Variants in CACNG3 observed in about 807,000 individuals in gnomAD.
The protein encoded by CACNG3 is voltage-dependent calcium channel gamma-3 subunit.
In CACNG3, 3 loss-of-function variants were observed where a neutral mutation model predicts 28.5. The observed-to-expected ratio is 0.11, with a 90% CI of 0.05 to 0.27. CACNG3 has a LOEUF of 0.27. CACNG3 is among the 10% of genes least tolerant of loss of function. The pLI is 1.00. For synonymous variants in CACNG3, 174 were observed against 162.2 expected (o/e 1.07, Z -0.55); for missense variants, 236 against 414.4 (o/e 0.57, Z 3.74).
chr16:24,285,842 TTTC>T (rs1237710169), intron 1 of CACNG3, among the ~76,000 whole-genome samples: 41 of 120,958 alleles, frequency 3.4e-4, no homozygotes, highest in African/African-American at 1.3e-3. Context: ...TTTTCTTTCT[TTTC>T]TTTTTTTTTT....
intron 1 of CACNG3, among the ~76,000 whole-genome samples, chr16:24,289,300 A>C (rs531295065): frequency 6.6e-6 from 1 of 151,612 alleles, no homozygotes; most frequent in African/African-American, 2.4e-5. Context: ...AAGAATCTGC[A>C]AAAGAAAAAA....
At chr16:24,325,367 G>T (rs1312215600) in intron 1 of CACNG3, among the ~76,000 whole-genome samples, 3 of 152,144 alleles carry the variant, frequency 2.0e-5, no homozygotes. Context: ...TTAGGGGGAC[G>T]TCAGTTAACA....
chr16:24,259,637 C>T (rs1054627212), intron 1 of CACNG3, among the ~76,000 whole-genome samples: 7 of 152,062 alleles, frequency 4.6e-5, no homozygotes, highest in African/African-American at 1.7e-4. Context: ...CCAAGGAGAA[C>T]ATGACAGCTG....
chr16:24,361,601 A>G lies in CACNG3; in HGVS notation c.686A>G (p.Tyr229Cys). The G allele has an allele frequency of 6.2e-7, 1 of 1,613,710 alleles. No individual in the cohort carries two copies. Among genetic ancestry groups the G allele is most frequent in the Non-Finnish European group, 8.5e-7 (1 of 1,179,844 alleles). ...STFARLPPYR[Y>C]RFRRRSSSRS... ...TTTGCCCGCCTCCCACCCTACAGGT[A>G]TCGATTCCGGAGGCGGTCAAGTTCT... Residue 229 changes from tyrosine to cysteine, a missense_variant, in exon 4 of 4, where the codon TAT (tyrosine) becomes TGT (cysteine). Transcript: ENST00000005284. This position sits in a 1 kb window ranked among gnomAD's most constrained non-coding sequence, Gnocchi z 6.8.
Position 24,314,733 on chromosome 16 carries a change from GCCTCCT to G in CACNG3, c.212-31968_212-31963del, listed in dbSNP as rs140787661. On this transcript the variant is annotated intron_variant, in intron 1 of 3. Coordinates refer to ENST00000005284, the MANE Select transcript of CACNG3 (RefSeq NM_006539.4). The stretch of plus-strand genomic sequence containing the variant: ...CCTGGCAAATTCTCCTAGGACTCTC[GCCTCCT>G]CCTCCTCCTCCTCCTCCTCCTCCTC... Among the ~76,000 whole-genome samples the G allele has an allele frequency of 1.6e-3, 185 of 119,108 alleles. 2 individuals are homozygous for G. The highest frequency in any genetic ancestry group is 5.0e-3 in the Middle Eastern group (1 of 200). 78.1% of individuals were successfully genotyped at this position (119,108 alleles called of 152,430 possible).
intron 3 of CACNG3, among the ~76,000 whole-genome samples, chr16:24,355,624 T>C (rs552156979): frequency 1.3e-5 from 2 of 152,298 alleles, no homozygotes; most frequent in South Asian, 4.1e-4. Context: ...CAGCTGCATT[T>C]TTGTGTTCAC....
intron 1 of CACNG3, among the ~76,000 whole-genome samples, chr16:24,286,934 G>T (rs1027464779): frequency 6.6e-6 from 1 of 152,210 alleles, no homozygotes; most frequent in Non-Finnish European, 1.5e-5. Flanking sequence ...TGTGAAGGAG[G>T]AAGGCTCCTG....
intron 1 of CACNG3, among the ~76,000 whole-genome samples, chr16:24,267,275 TTTC>T (rs1204865060): frequency 6.6e-6 from 1 of 152,078 alleles, no homozygotes; most frequent in Admixed American, 6.5e-5. Context: ...CTATTTTTAA[TTTC>T]TTAATTTTTA....
chr16:24,299,952 A>G (rs1899083939), intron 1 of CACNG3, among the ~76,000 whole-genome samples: 1 of 152,066 alleles, frequency 6.6e-6, no homozygotes, highest in African/African-American at 2.4e-5. Context: ...ACACACACAC[A>G]CACACACATA....
chr16:24,296,484 A>T (rs534157334), intron 1 of CACNG3, among the ~76,000 whole-genome samples: 40 of 152,302 alleles, frequency 2.6e-4, no homozygotes, highest in African/African-American at 9.6e-4. Context: ...CTGTGGCGAT[A>T]CTACCGTTAT....
At chr16:24,315,817 C>T (rs1306551886) in intron 1 of CACNG3, among the ~76,000 whole-genome samples, 1 of 152,068 alleles carries the variant, frequency 6.6e-6, no homozygotes, top group African/African-American at 2.4e-5. Flanking sequence ...CACTACAATG[C>T]CCAGCTAATT....
chr16:24,257,053 A>G, intron 1 of CACNG3, 88 bp downstream of exon 1: 2 of 834,298 alleles, frequency 2.4e-6, no homozygotes, highest in South Asian at 1.6e-5. Flanking sequence ...GGTGATAAGG[A>G]AAGAAGAGAA....
intron 1 of CACNG3, among the ~76,000 whole-genome samples, chr16:24,295,770 G>A (rs1023361726): frequency 6.6e-6 from 1 of 152,096 alleles, no homozygotes; most frequent in African/African-American, 2.4e-5. Context: ...GATTGCTTGG[G>A]CCTGGGAGAT....
chr16:24,334,979 T>G (rs966749258), intron 1 of CACNG3, among the ~76,000 whole-genome samples: 1 of 152,070 alleles, frequency 6.6e-6, no homozygotes, highest in Non-Finnish European at 1.5e-5. Context: ...ATGCCCAAAA[T>G]AGAGATAATG....
chr16:24,262,822 C>T (rs1048332774), intron 1 of CACNG3, among the ~76,000 whole-genome samples: 12 of 152,310 alleles, frequency 7.9e-5, no homozygotes, highest in Non-Finnish European at 1.5e-5. Context: ...TCAGTTGTTT[C>T]AATCTCTGAA....
At chr16:24,260,499 G>C (rs1898523279) in intron 1 of CACNG3, among the ~76,000 whole-genome samples, 1 of 152,168 alleles carries the variant, frequency 6.6e-6, no homozygotes, top group South Asian at 2.1e-4. Flanking sequence ...ACTTGCCCAA[G>C]GTCACACACC....
At chr16:24,341,569 C>T (rs998352291) in intron 1 of CACNG3, among the ~76,000 whole-genome samples, 1 of 152,146 alleles carries the variant, frequency 6.6e-6, no homozygotes, top group Admixed American at 6.5e-5. Flanking sequence ...GCTATTACTG[C>T]CTCAACTAAT....
chr16:24,280,254 G>T (rs1018385922), intron 1 of CACNG3, among the ~76,000 whole-genome samples: 4 of 152,156 alleles, frequency 2.6e-5, no homozygotes, highest in African/African-American at 4.8e-5. Context: ...GGTTTTAAGT[G>T]AACATTAAAG....
At chr16:24,284,073 T>C (rs781435368) in intron 1 of CACNG3, among the ~76,000 whole-genome samples, 1 of 152,230 alleles carries the variant, frequency 6.6e-6, no homozygotes, top group Non-Finnish European at 1.5e-5. Context: ...GTCTTTCGTA[T>C]TGGCCTTTCT....
Sources: gnomAD v4.1 joint callset for allele counts (sites outside exome capture counted in the v4.1 genomes callset) on GRCh38, gnomAD v4.1.1 for gene constraint, Gnocchi (gnomAD v3.1) non-coding constraint, MANE v1.5 for transcripts, NCBI Gene and HGNC (gene_info 2026-07-23, HGNC 2026-07-21) for gene names.